POLI: variants seen among roughly 807,000 people sequenced by gnomAD.
POLI encodes RAD30 homolog B.
A neutral mutation model predicts 51.6 loss-of-function variants in POLI; 58 were observed. The observed-to-expected ratio is 1.12, with a 90% CI of 0.91 to 1.40. The LOEUF is 1.40. Ranked by LOEUF, POLI falls within the 40% of genes most tolerant of loss-of-function variation. The probability of loss-of-function intolerance (pLI) is 0.00; values close to 1 mark genes in which losing one functional copy is unlikely to be tolerated. For synonymous variants in POLI, 322 were observed against 299.7 expected, an observed-to-expected ratio of 1.07 and a Z score of -0.77; for missense variants, 921 against 871.3, an observed-to-expected ratio of 1.06 and a Z score of -0.72.
chr18:54,272,068 TAAA>T (rs1459005231), intron 2 of POLI: 3 of 152,246 alleles, frequency 2.0e-5, no homozygotes, highest in Non-Finnish European at 4.4e-5. Context: ...TTGAGAAAGA[TAAA>T]GAGATTTTCT....
At chr18:54,291,028 A>G (rs928944717) in intron 8 of POLI, among the ~76,000 whole-genome samples, 2 of 152,210 alleles carry the variant, frequency 1.3e-5, no homozygotes. Context: ...AATTTCTGCT[A>G]GGCCCTCTTT....
In POLI at chr18:54,280,786, A is replaced by G. The variant is rs1217696003; in HGVS notation, c.679A>G (p.Asn227Asp). ...GLTGCAGVAS[N>D]KLLAKLVSGV... ...CACTGGCTGTGCTGGAGTGGCTTCT[A>G]ATAAACTGTTGGCAAAATTAGTTTC... Residue 227 changes from asparagine to aspartate, a missense_variant, in exon 5 of 10, where the codon AAT becomes GAT. By Grantham distance (23) the Asn-to-Asp change is conservative (BLOSUM62 1). Transcript: ENST00000579534. The G allele has an allele frequency of 1.2e-6, 2 of 1,613,770 alleles. No homozygotes were observed. The highest frequency in any genetic ancestry group is 1.6e-4 in the Middle Eastern group (1 of 6,062).
intron 3 of POLI, among the ~76,000 whole-genome samples, chr18:54,306,621 G>C (rs987483000): frequency 6.6e-6 from 1 of 152,042 alleles, no homozygotes; most frequent in African/African-American, 2.4e-5. Flanking sequence ...CTCTTTTTCT[G>C]TTATTTGGAA....
chr18:54,295,935 G>A lies in POLI; in HGVS notation c.*1468G>A. 1.0e-6 allele frequency: 1 copy of A among 985,018 alleles called. No individual in the cohort carries two copies. The highest frequency in any genetic ancestry group is 1.2e-6 in the Non-Finnish European group (1 of 829,650). 61.0% of individuals were successfully genotyped at this position (985,018 alleles called of 1,614,324 possible). ...AGCCATTGCTCCTGGCCCCAGCTCT[G>A]AAATTTTAACTTAGTTTTGGATTCC... On this transcript the variant is annotated 3_prime_UTR_variant, in exon 10 of 10. Coordinates refer to ENST00000579534, the MANE Select transcript of POLI (RefSeq NM_007195.3).
chr18:54,295,021 A>G lies in POLI; in HGVS notation c.*554A>G. The stretch of plus-strand genomic sequence containing the variant: ...CTTCATACACCAAGAATCTACCACA[A>G]TACACAGCACACAAAGGCCGTTCAA... On this transcript the variant is annotated 3_prime_UTR_variant, in exon 10 of 10. Coordinates refer to ENST00000579534, the MANE Select transcript of POLI (RefSeq NM_007195.3). 3.0e-6 allele frequency: 3 copies of G among 985,420 alleles called. No individual in the cohort carries two copies. Among genetic ancestry groups the G allele is most frequent in the South Asian group, 9.4e-5 (2 of 21,282 alleles). The allele number at this position is 985,420 out of a possible 1,614,324, so 61.0% of individuals were successfully genotyped here.
chr18:54,278,547 T>C (rs1410242642), intron 4 of POLI, among the ~76,000 whole-genome samples: 1 of 152,208 alleles, frequency 6.6e-6, no homozygotes, highest in African/African-American at 2.4e-5. Context: ...GTTAGCACTT[T>C]TGGAATGTTG....
At chr18:54,301,983 T>G (rs942360506), downstream of POLI, among the ~76,000 whole-genome samples, 1 of 152,208 alleles carries the variant, frequency 6.6e-6, no homozygotes. Flanking sequence ...TACTGTATAG[T>G]CTCTCTTGAA....
At position 54,294,452 on chromosome 18, in the gene POLI, C is replaced by A. The variant is rs772617646; in HGVS notation, c.2208C>A (p.His736Gln). ...AEWKRAGSDF[H>Q]IGHK ...GGAAGAGAGCAGGATCAGATTTCCA[C>A]ATTGGACATAAATAAGCATATTCAG... Residue 736 changes from histidine to glutamine, a missense_variant, in exon 10 of 10, where the codon CAC (histidine) becomes CAA (glutamine). By Grantham distance (24) the His-to-Gln change is conservative. Transcript: ENST00000579534. The A allele has an allele frequency of 6.3e-7, 1 of 1,596,116 alleles. No individual in the cohort carries two copies. Among genetic ancestry groups the A allele is most frequent in the Non-Finnish European group, 8.5e-7 (1 of 1,172,874 alleles).
At position 54,305,699 on chromosome 18, in the gene POLI, C is replaced by T. The variant is rs1325181661; in HGVS notation, c.334-14574C>T. On this transcript the variant is annotated intron_variant, in intron 3 of 4. Transcript: ENST00000579823. ...TTTTCTAAATATACAATCATGTCAT[C>T]TGCAAACAGGGACAATTTGACTTCC... Among the ~76,000 whole-genome samples, 3 of 151,186 alleles carry T rather than the reference C, an allele frequency of 2.0e-5. 1 individual carries two copies. Among genetic ancestry groups the T allele is most frequent in the East Asian group, 1.9e-4 (1 of 5,194 alleles).
chr18:54,319,037 A>C (rs537095049), intron 3 of POLI, among the ~76,000 whole-genome samples: 4 of 152,232 alleles, frequency 2.6e-5, no homozygotes, highest in African/African-American at 9.6e-5. Context: ...AACTCAGCTA[A>C]AATATCTTTT....
At chr18:54,300,452 A>G (rs1009045016), downstream of POLI, among the ~76,000 whole-genome samples, 1 of 152,156 alleles carries the variant, frequency 6.6e-6, no homozygotes, top group African/African-American at 2.4e-5. Flanking sequence ...CCACTGAAAT[A>G]GCAAAATAAG....
chr18:54,277,965 A>G (rs2144491146), intron 4 of POLI, 110 bp downstream of exon 4: 2 of 796,006 alleles, frequency 2.5e-6, no homozygotes, highest in Non-Finnish European at 3.9e-6. Context: ...TGTTGGAGGT[A>G]TAGTTATATT....
intron 4 of POLI, among the ~76,000 whole-genome samples, chr18:54,279,742 T>C (rs2087414147): frequency 6.6e-6 from 1 of 152,234 alleles, no homozygotes. Context: ...AACACTGTTT[T>C]ACACCTAAAG....
intron 8 of POLI, 126 bp from the exon 9 acceptor site, chr18:54,291,707 T>C (rs2088018326): frequency 7.4e-6 from 4 of 540,258 alleles, no homozygotes; most frequent in Non-Finnish European, 1.3e-5. Context: ...TGAAATGTCT[T>C]AATTTGGTAT....
At position 54,285,457 on chromosome 18, in the gene POLI, G is replaced by A. The variant is rs568600364; in HGVS notation, c.1067+1444G>A. 3.3e-5 allele frequency among the ~76,000 whole-genome samples: 5 copies of A among 151,512 alleles called. No homozygotes were observed. In the East Asian group the frequency reaches 9.7e-4, roughly 29 times the overall value. ...CGGCTCCTTTTCTCCCACACCACGGGCCCTTATTTCAGTGACTGAATTATA... is the reference window on the plus strand; with the variant it reads ...CGGCTCCTTTTCTCCCACACCACGGACCCTTATTTCAGTGACTGAATTATA... On this transcript the variant is annotated intron_variant, in intron 7 of 9. Coordinates refer to ENST00000579534, the MANE Select transcript of POLI (RefSeq NM_007195.3).
chr18:54,271,115 T>TC (rs1410156211), intron 1 of POLI: 24 of 313,024 alleles, frequency 7.7e-5, no homozygotes, highest in Non-Finnish European at 1.3e-4. Flanking sequence ...TCACATTTTT[T>TC]CCCTTCAAAC....
intron 4 of POLI, among the ~76,000 whole-genome samples, chr18:54,278,938 G>A (rs1437792535): frequency 6.6e-6 from 1 of 152,164 alleles, no homozygotes; most frequent in Non-Finnish European, 1.5e-5. Context: ...CAGAAGAAAA[G>A]CAGTAGAACC....
chr18:54,300,568 C>T (rs1485844540), downstream of POLI, among the ~76,000 whole-genome samples: 1 of 151,838 alleles, frequency 6.6e-6, no homozygotes, highest in Non-Finnish European at 1.5e-5. Flanking sequence ...GAATAGGACA[C>T]ATGGGGAAAA....
intron 2 of POLI, among the ~76,000 whole-genome samples, chr18:54,272,449 A>G (rs2087047129): frequency 6.6e-6 from 1 of 152,070 alleles, no homozygotes. Context: ...TTTTGGGGGA[A>G]AACGAAAGTA....
Sources: allele counts gnomAD v4.1 joint callset (sites outside exome capture counted in the v4.1 genomes callset), GRCh38; gene constraint gnomAD v4.1.1; transcripts MANE v1.5; gene names NCBI Gene and HGNC (gene_info 2026-07-23, HGNC 2026-07-21).